RBFOX1: variants seen among roughly 807,000 people sequenced by gnomAD.
RBFOX1 encodes RNA binding protein fox-1 homolog 1.
RBFOX1 carries 8 observed loss-of-function variants against 57.7 expected under a neutral mutation model. The observed-to-expected ratio is 0.14, with a 90% CI of 0.08 to 0.25. The LOEUF is 0.25. Ranked by LOEUF, RBFOX1 falls within the 10% of genes least tolerant of loss-of-function variation. RBFOX1 has a pLI of 1.00. For synonymous variants in RBFOX1, 326 were observed against 222.4 expected, an observed-to-expected ratio of 1.47 and a Z score of -4.15; for missense variants, 611 against 548.5, an observed-to-expected ratio of 1.11 and a Z score of -1.14.
intron 10 of RBFOX1, among the ~76,000 whole-genome samples, chr16:7,612,275 C>T (rs552052605): frequency 1.5e-4 from 21 of 140,124 alleles, no homozygotes; most frequent in Admixed American, 1.3e-3. Context: ...GAGCCCAGAT[C>T]GCGCCACTGC....
intron 2 of RBFOX1, among the ~76,000 whole-genome samples, chr16:5,584,574 T>C (rs2046772452): frequency 6.6e-6 from 1 of 152,192 alleles, no homozygotes. Flanking sequence ...CAGCTTCTGT[T>C]TTCTGGAACT....
At chr16:5,606,799 C>A (rs886385405) in intron 3 of RBFOX1, among the ~76,000 whole-genome samples, 9 of 151,962 alleles carry the variant, frequency 5.9e-5, no homozygotes, top group African/African-American at 2.2e-4. Flanking sequence ...ACACTGATTG[C>A]AGGAGATGGG....
In RBFOX1 at chr16:7,565,662, A is replaced by G. The variant is rs150924367; in HGVS notation, c.271-14115A>G. ...CAGTGGGTACTCAACCATCGCTCAC[A>G]TAATATTGTCAACTTAATCAAATAA... On this transcript the variant is annotated intron_variant, in intron 5 of 15. Coordinates refer to ENST00000550418, the MANE Select transcript of RBFOX1 (RefSeq NM_018723.4). Among the ~76,000 whole-genome samples the G allele has an allele frequency of 2.7e-4, 41 of 152,368 alleles. No homozygotes were observed. In the East Asian group the frequency reaches 7.9e-3, roughly 29 times the overall value.
intron 3 of RBFOX1, among the ~76,000 whole-genome samples, chr16:7,022,828 A>G (rs1344580130): frequency 1.3e-5 from 2 of 152,208 alleles, no homozygotes; most frequent in Non-Finnish European, 2.9e-5. Flanking sequence ...TTTATATCCA[A>G]GGAAGCTGAG....
In RBFOX1 at chr16:5,317,306, A is replaced by T. The variant is rs547488755; in HGVS notation, c.219+77201A>T. On this transcript the variant is annotated intron_variant, in intron 1 of 2. Coordinates refer to the RBFOX1 transcript ENST00000585867. ...CCTAGTCTGCATATCTACTGTGAAGATTAAATAAAAACACATTCCTGGCCA... is the reference window on the plus strand; with the variant it reads ...CCTAGTCTGCATATCTACTGTGAAGTTTAAATAAAAACACATTCCTGGCCA... 2.6e-5 allele frequency among the ~76,000 whole-genome samples: 4 copies of T among 152,294 alleles called. No homozygotes were observed. In the South Asian group the frequency reaches 8.3e-4, roughly 32 times the overall value.
chr16:6,971,282 T>C (rs905162666), intron 3 of RBFOX1, among the ~76,000 whole-genome samples: 5 of 152,166 alleles, frequency 3.3e-5, no homozygotes, highest in African/African-American at 1.2e-4. Context: ...GGGATTCATA[T>C]GTAAGCTGAG....
At chr16:6,082,449 T>C (rs2096017922) in intron 1 of RBFOX1, among the ~76,000 whole-genome samples, 1 of 146,298 alleles carries the variant, frequency 6.8e-6, no homozygotes, top group South Asian at 2.2e-4. Context: ...GATTACAGGT[T>C]TGAGCCACCG....
intron 5 of RBFOX1, among the ~76,000 whole-genome samples, chr16:7,534,949 G>T (rs2081126600): frequency 6.6e-6 from 1 of 152,148 alleles, no homozygotes; most frequent in Non-Finnish European, 1.5e-5. Context: ...TGACACTGGG[G>T]CTGAGCCCTT....
At chr16:7,191,566 T>G (rs1197198903) in intron 4 of RBFOX1, among the ~76,000 whole-genome samples, 1 of 152,224 alleles carries the variant, frequency 6.6e-6, no homozygotes, top group African/African-American at 2.4e-5. Flanking sequence ...ATTTTACATA[T>G]CATCTTCAAA....
intron 3 of RBFOX1, among the ~76,000 whole-genome samples, chr16:5,723,324 C>T (rs1418907885): frequency 6.6e-6 from 1 of 152,134 alleles, no homozygotes; most frequent in Admixed American, 6.5e-5. Flanking sequence ...GATGGCATCT[C>T]AGGTCTGATT....
chr16:5,920,421 A>G (rs2058796427), intron 4 of RBFOX1, among the ~76,000 whole-genome samples: 1 of 152,146 alleles, frequency 6.6e-6, no homozygotes, highest in Admixed American at 6.5e-5. Flanking sequence ...TTTGTGTACA[A>G]GGGTCTGTTT....
Position 6,375,752 on chromosome 16 carries a change from G to A in RBFOX1, c.-64+58695G>A, listed in dbSNP as rs114094895. ...CTCTGGTTTCTGACGGAGCGAGAAT[G>A]AGTACCCAGAGGTTTCCAGAACCTC... On this transcript the variant is annotated intron_variant, in intron 2 of 15. Coordinates refer to ENST00000550418, the MANE Select transcript of RBFOX1 (RefSeq NM_018723.4). Among the ~76,000 whole-genome samples, 1,396 of 152,188 alleles carry A rather than the reference G, an allele frequency of 9.2e-3. 23 individuals carry two copies. Among genetic ancestry groups the A allele is most frequent in the African/African-American group, 0.03 (1,248 of 41,528 alleles).
intron 1 of RBFOX1, among the ~76,000 whole-genome samples, chr16:5,342,635 T>C (rs750493954): frequency 1.1e-4 from 17 of 152,084 alleles, no homozygotes; most frequent in Non-Finnish European, 1.9e-4. Flanking sequence ...CTGAGAACAG[T>C]TCTTCCTTCT....
At chr16:7,232,918 C>G (rs2093582944) in intron 4 of RBFOX1, among the ~76,000 whole-genome samples, 2 of 151,352 alleles carry the variant, frequency 1.3e-5, no homozygotes, top group South Asian at 2.1e-4. Context: ...ATGATGTTAG[C>G]AAACCCTGTC....
intron 1 of RBFOX1, among the ~76,000 whole-genome samples, chr16:5,374,098 C>G (rs1384675385): frequency 6.6e-6 from 1 of 152,114 alleles, no homozygotes. Context: ...CCATCATGTG[C>G]GGCTAATTTT....
chr16:5,502,466 C>G (rs574479142), intron 2 of RBFOX1, among the ~76,000 whole-genome samples: 11 of 152,248 alleles, frequency 7.2e-5, no homozygotes, highest in African/African-American at 2.4e-4. Context: ...GGCTCCGGCC[C>G]CTAGTGTCCC....
chr16:7,322,498 C>A (rs1471275432), intron 4 of RBFOX1, among the ~76,000 whole-genome samples: 1 of 152,250 alleles, frequency 6.6e-6, no homozygotes, highest in Non-Finnish European at 1.5e-5. Context: ...GAAAGTACAG[C>A]ACATCTTGCT....
intron 4 of RBFOX1, among the ~76,000 whole-genome samples, chr16:7,227,498 C>G (rs546935737): frequency 1.6e-4 from 25 of 152,312 alleles, no homozygotes; most frequent in African/African-American, 5.8e-4. Flanking sequence ...CTAACTGTCT[C>G]TACTGAAGTG....
chr16:5,602,496 A>C (rs1269768844), downstream of RBFOX1, among the ~76,000 whole-genome samples: 1 of 152,182 alleles, frequency 6.6e-6, no homozygotes, highest in Non-Finnish European at 1.5e-5. Context: ...GTGAGGATTT[A>C]TGTTTATTGA....
Sources: gnomAD v4.1 joint callset for allele counts (sites outside exome capture counted in the v4.1 genomes callset) on GRCh38, gnomAD v4.1.1 for gene constraint, MANE v1.5 for transcripts, NCBI Gene and HGNC (gene_info 2026-07-23, HGNC 2026-07-21) for gene names.